Variants in FAM78A observed in about 807,000 individuals in gnomAD.
FAM78A encodes the protein protein FAM78A.
A neutral mutation model predicts 22.6 loss-of-function variants in FAM78A; 12 were observed. That is an observed-to-expected ratio of 0.53 (90% CI 0.34 to 0.86). FAM78A has a LOEUF of 0.86. Among genes scored for constraint, FAM78A ranks in the 40% least tolerant of loss-of-function variants. The pLI is 0.02. For missense variants in FAM78A, 322 were observed against 396.1 expected (o/e 0.81, Z 1.59); for synonymous variants, 151 against 155.8 (o/e 0.97, Z 0.23).
At position 131,258,874 on chromosome 9, in the gene FAM78A, CA is replaced by C. The variant is rs985516825; in HGVS notation, c.*1947del. Reference sequence around the variant, plus strand: ...TCTGCGGGGAGGTCCTGGCCCCCATCAGGGGCCCCCTGAGCACCGTGCCAGC... The same window carrying C: ...TCTGCGGGGAGGTCCTGGCCCCCATCGGGGCCCCCTGAGCACCGTGCCAGC... On this transcript the variant is annotated 3_prime_UTR_variant, in exon 2 of 2. Coordinates refer to ENST00000372271, the MANE Select transcript of FAM78A (RefSeq NM_033387.4). The C allele has an allele frequency of 1.3e-5, 2 of 152,354 alleles. No homozygotes were observed. Among genetic ancestry groups the C allele is most frequent in the Non-Finnish European group, 2.9e-5 (2 of 68,060 alleles). The allele number at this position is 152,354 out of a possible 1,614,324, so 9.4% of individuals were successfully genotyped here.
At chr9:131,271,923 G>T (rs1482361480) in intron 1 of FAM78A, among the ~76,000 whole-genome samples, 2 of 152,136 alleles carry the variant, frequency 1.3e-5, no homozygotes, top group African/African-American at 2.4e-5. Context: ...AAGCAATGTG[G>T]GTTGGACCCA....
chr9:131,266,317 A>G (rs1466569558), intron 1 of FAM78A, among the ~76,000 whole-genome samples: 1 of 152,204 alleles, frequency 6.6e-6, no homozygotes, highest in East Asian at 1.9e-4. Flanking sequence ...TGAAGCCTAG[A>G]GCCCTGCGTG....
At chr9:131,262,935 T>C (rs1835293121) in intron 1 of FAM78A, among the ~76,000 whole-genome samples, 1 of 150,688 alleles carries the variant, frequency 6.6e-6, no homozygotes, top group South Asian at 2.1e-4. Flanking sequence ...GAAGTTTCAG[T>C]TTTGCAGATG....
At chr9:131,280,036 A>G (rs1229061603), upstream of FAM78A, among the ~76,000 whole-genome samples, 1 of 152,192 alleles carries the variant, frequency 6.6e-6, no homozygotes, top group African/African-American at 2.4e-5. Flanking sequence ...GGACTTGCAA[A>G]GTAGAAGACC....
chr9:131,267,882 A>G (rs1394926691), intron 1 of FAM78A, among the ~76,000 whole-genome samples: 1 of 152,078 alleles, frequency 6.6e-6, no homozygotes, highest in Non-Finnish European at 1.5e-5. Flanking sequence ...CGTCTCTACT[A>G]AAAATATATT....
At position 131,275,412 on chromosome 9, in the gene FAM78A, A is replaced by C. The variant is rs1418042725; in HGVS notation, c.323+445T>G. The stretch of plus-strand genomic sequence containing the variant: ...GAGGCCCAATCGCAAAGCCCTGAAC[A>C]CACCGGTCTGGGAGTTGCAGAGTGC... On this transcript the variant is annotated intron_variant, in intron 1 of 1. Coordinates refer to ENST00000372271, the MANE Select transcript of FAM78A (RefSeq NM_033387.4). This position sits in a 1 kb window ranked among gnomAD's most constrained non-coding sequence, Gnocchi z 4.6. Among the ~76,000 whole-genome samples, 1 of 152,214 alleles carries C rather than the reference A, an allele frequency of 6.6e-6. No individual in the cohort carries two copies. The highest frequency in any genetic ancestry group is 1.9e-4 in the East Asian group (1 of 5,196).
rs768718027 is a variant in FAM78A, at chr9:131,258,365, G to C, written c.*2457C>G. On this transcript the variant is annotated 3_prime_UTR_variant, in exon 2 of 2. Transcript: ENST00000372271. ...CAAGGAGGCTGAAGGAGCAGACCGG[G>C]GCTCAGCTGAGCGTCCGTGGCCGGA... 4 of 152,526 alleles carry C rather than the reference G, an allele frequency of 2.6e-5. No homozygotes were observed. Among genetic ancestry groups the C allele is most frequent in the Admixed American group, 6.5e-5 (1 of 15,286 alleles). The allele number at this position is 152,526 out of a possible 1,614,324, so 9.4% of individuals were successfully genotyped here.
rs758497577 is a variant in FAM78A, at chr9:131,275,322, C to G, written c.323+535G>C. 3.9e-5 allele frequency among the ~76,000 whole-genome samples: 6 copies of G among 152,220 alleles called. No homozygotes were observed. The highest frequency in any genetic ancestry group is 5.9e-5 in the Non-Finnish European group (4 of 68,044). On this transcript the variant is annotated intron_variant, in intron 1 of 1. Transcript: ENST00000372271. The surrounding 1 kb of genome is among the most constrained non-coding windows in gnomAD (Gnocchi z 4.6). Reference sequence around the variant, plus strand: ...CTAACTGTGCTCTCAAACACAGTGCCGTTTGGAACGGGGAAGCACTCCCCC... The same window carrying G: ...CTAACTGTGCTCTCAAACACAGTGCGGTTTGGAACGGGGAAGCACTCCCCC...
At chr9:131,266,019 G>C (rs545570090) in intron 1 of FAM78A, among the ~76,000 whole-genome samples, 1 of 152,124 alleles carries the variant, frequency 6.6e-6, no homozygotes, top group South Asian at 2.1e-4. Flanking sequence ...CATGTCTCAC[G>C]AAGCCCTGAC....
intron 1 of FAM78A, among the ~76,000 whole-genome samples, chr9:131,268,890 CT>C (rs1287671008): frequency 1.9e-5 from 2 of 106,070 alleles, no homozygotes; most frequent in African/African-American, 6.0e-5. Flanking sequence ...GAGACTCCGT[CT>C]CAAAAAAAAA....
chr9:131,269,093 C>A (rs1835383821), intron 1 of FAM78A, among the ~76,000 whole-genome samples: 2 of 120,448 alleles, frequency 1.7e-5, no homozygotes, highest in African/African-American at 5.9e-5. Flanking sequence ...AAGAACAAAA[C>A]TTCGTCTCAA....
At chr9:131,280,238 G>A (rs912343640), upstream of FAM78A, among the ~76,000 whole-genome samples, 1 of 152,108 alleles carries the variant, frequency 6.6e-6, no homozygotes, top group Non-Finnish European at 1.5e-5. Context: ...CTTCTGAAGC[G>A]CCCACCAGGG....
At position 131,261,022 on chromosome 9, in the gene FAM78A, C is replaced by T. The variant is rs201155168; in HGVS notation, c.652G>A (p.Glu218Lys). ...CCCAGGGGCCGGTTGGGGTTCACCT[C>T]GATGCTGAGCTGCATGCGCCAGTGC... is the stretch of plus-strand genomic sequence containing the variant. Reference protein sequence around the residue: ...TLHWRMQLSIEVNPNRPLGQR... With the variant: ...TLHWRMQLSIKVNPNRPLGQR... The change falls in exon 2 of 2, where the codon GAG (glutamate) becomes AAG (lysine). Residue 218 changes from glutamate to lysine, a missense_variant. By Grantham distance (56) the Glu-to-Lys change is moderately conservative. Transcript: ENST00000372271. This position sits in a 1 kb window ranked among gnomAD's most constrained non-coding sequence, Gnocchi z 7.1. The T allele has an allele frequency of 3.4e-4, 550 of 1,613,972 alleles. 3 individuals are homozygous for T. The highest frequency in any genetic ancestry group is 3.8e-4 in the Admixed American group (23 of 60,014).
In FAM78A at chr9:131,265,449, G is replaced by A. The variant is rs1031963241; in HGVS notation, c.324-4099C>T. On this transcript the variant is annotated intron_variant, in intron 1 of 1. Coordinates refer to ENST00000372271, the MANE Select transcript of FAM78A (RefSeq NM_033387.4). This position sits in a 1 kb window ranked among gnomAD's most constrained non-coding sequence, Gnocchi z 4.3. ...TATTTAGTAGAGATGGGGTTTCACC[G>A]TGTTATTCAGGTTGGTCTCGAACTC... is the stretch of plus-strand genomic sequence containing the variant. Among the ~76,000 whole-genome samples the A allele has an allele frequency of 2.0e-5, 3 of 152,092 alleles. No homozygotes were observed. The highest frequency in any genetic ancestry group is 6.5e-5 in the Admixed American group (1 of 15,272).
At position 131,274,084 on chromosome 9, in the gene FAM78A, C is replaced by A. The variant is rs1190948225; in HGVS notation, c.323+1773G>T. ...CATCACCCACACCTACTCAGGGTCA[C>A]CAGATGGAGAACAAGTCTTAGACAA... On this transcript the variant is annotated intron_variant, in intron 1 of 1. Coordinates refer to ENST00000372271, the MANE Select transcript of FAM78A (RefSeq NM_033387.4). The surrounding 1 kb of genome is among the most constrained non-coding windows in gnomAD (Gnocchi z 4.2). Among the ~76,000 whole-genome samples, 1 of 152,236 alleles carries A rather than the reference C, an allele frequency of 6.6e-6. No homozygotes were observed. Among genetic ancestry groups the A allele is most frequent in the Non-Finnish European group, 1.5e-5 (1 of 68,048 alleles).
At chr9:131,262,220 C>T (rs1835280397) in intron 1 of FAM78A, among the ~76,000 whole-genome samples, 1 of 151,034 alleles carries the variant, frequency 6.6e-6, no homozygotes, top group Admixed American at 6.6e-5. Context: ...GTCCCAGCTA[C>T]TCAGGAGGCT....
At position 131,276,268 on chromosome 9, in the gene FAM78A, C is replaced by A; in HGVS notation, c.-89G>T. 2 of 1,116,702 alleles carry A rather than the reference C, an allele frequency of 1.8e-6. No homozygotes were observed. Among genetic ancestry groups the A allele is most frequent in the Non-Finnish European group, 2.6e-6 (2 of 783,494 alleles). The allele number at this position is 1,116,702 out of a possible 1,614,324, so 69.2% of individuals were successfully genotyped here. On this transcript the variant is annotated 5_prime_UTR_variant, in exon 1 of 2. An upstream open reading frame in the 5' UTR loses its in-frame stop. Transcript: ENST00000372271. This position sits in a 1 kb window ranked among gnomAD's most constrained non-coding sequence, Gnocchi z 4.3. ...ACCGATATCCATAGGATAGAAAACTCACTGAGTAGACTGGGGTTGCATATA... is the reference window on the plus strand; with the variant it reads ...ACCGATATCCATAGGATAGAAAACTAACTGAGTAGACTGGGGTTGCATATA...
chr9:131,277,523 C>G (rs1176434174), upstream of FAM78A, among the ~76,000 whole-genome samples: 1 of 151,834 alleles, frequency 6.6e-6, no homozygotes, highest in Non-Finnish European at 1.5e-5. This position sits in a 1 kb window ranked among gnomAD's most constrained non-coding sequence, Gnocchi z 8.4. Context: ...CGCACGCCCC[C>G]ACTCGGGCGG....
chr9:131,261,240 A>G lies in FAM78A; in HGVS notation c.434T>C (p.Val145Ala). ...CTTGGAGTCCCTCTTGGTGGGGCCC[A>G]CGATGGTGCAGGTCTCTGTGGTGTT... The part of the protein sequence containing the change: ...YGNTTETCTI[V>A]GPTKRDSKFI... The change falls in exon 2 of 2, where the codon GTG becomes GCG. Residue 145 changes from valine to alanine, a missense_variant. Transcript: ENST00000372271. This position sits in a 1 kb window ranked among gnomAD's most constrained non-coding sequence, Gnocchi z 7.1. 6.2e-7 allele frequency: 1 copy of G among 1,612,286 alleles called. No individual in the cohort carries two copies. The highest frequency in any genetic ancestry group is 1.6e-4 in the Middle Eastern group (1 of 6,062).
Sources: gnomAD v4.1 joint callset for allele counts (sites outside exome capture counted in the v4.1 genomes callset) on GRCh38, gnomAD v4.1.1 for gene constraint, Gnocchi (gnomAD v3.1) non-coding constraint, MANE v1.5 for transcripts, NCBI Gene and HGNC (gene_info 2026-07-23, HGNC 2026-07-21) for gene names.